Variants in CYP7B1 observed in about 807,000 individuals in gnomAD.
CYP7B1 encodes the protein cytochrome P450 family 7 subfamily B member 1, also known as cytochrome P450 7B1.
CYP7B1 carries 29 observed loss-of-function variants against 42.7 expected under a neutral mutation model. The observed-to-expected ratio is 0.68, with a 90% CI of 0.51 to 0.93. The LOEUF (loss-of-function observed/expected upper bound fraction) is 0.93. Ranked by LOEUF, CYP7B1 falls within the 40% of genes least tolerant of loss-of-function variation. The pLI is 0.00. For missense variants in CYP7B1, 655 were observed against 600.5 expected (o/e 1.09, Z -0.95); for synonymous variants, 235 against 218.2 (o/e 1.08, Z -0.68).
intron 1 of CYP7B1, among the ~76,000 whole-genome samples, chr8:64,656,739 ACAGTT>A (rs1307759669): frequency 6.6e-6 from 1 of 152,212 alleles, no homozygotes; most frequent in Non-Finnish European, 1.5e-5. Context: ...TTCAGTTGGT[ACAGTT>A]TTCATTTCTG....
In CYP7B1 at chr8:64,686,419, C is replaced by T. The variant is rs1481624325; in HGVS notation, c.123-61880G>A. Among the ~76,000 whole-genome samples the T allele has an allele frequency of 3.5e-4, 13 of 37,080 alleles. 1 individual carries two copies. The highest frequency in any genetic ancestry group is 1.4e-3 in the African/African-American group (11 of 7,632). The allele number at this position is 37,080 out of a possible 152,430, so 24.3% of individuals were successfully genotyped here. ...GGGAGGGAGGTGGGGGGGTCAGCCC[C>T]CCGCCTGGCCAGCCGCCCCGTCCGG... On this transcript the variant is annotated intron_variant, in intron 1 of 5. Coordinates refer to ENST00000310193, the MANE Select transcript of CYP7B1 (RefSeq NM_004820.5).
intron 1 of CYP7B1, among the ~76,000 whole-genome samples, chr8:64,715,786 C>G (rs1363623599): frequency 6.6e-6 from 1 of 152,186 alleles, no homozygotes; most frequent in African/African-American, 2.4e-5. Context: ...TAAATTTAAG[C>G]ATCTGAATCT....
chr8:64,649,168 G>C (rs1298568122), intron 1 of CYP7B1, among the ~76,000 whole-genome samples: 3 of 152,104 alleles, frequency 2.0e-5, no homozygotes, highest in South Asian at 2.1e-4. Context: ...CCACCTTCAT[G>C]AATCAATAAA....
intron 1 of CYP7B1, among the ~76,000 whole-genome samples, chr8:64,712,545 G>C (rs970457691): frequency 1.3e-5 from 2 of 151,656 alleles, no homozygotes; most frequent in African/African-American, 2.4e-5. Context: ...TGTAGCTCCA[G>C]TTGTGAAACT....
chr8:64,710,325 G>A (rs1807062429), intron 1 of CYP7B1, among the ~76,000 whole-genome samples: 1 of 152,162 alleles, frequency 6.6e-6, no homozygotes, highest in East Asian at 1.9e-4. Flanking sequence ...AGACTGAGTT[G>A]CTCTCCATTC....
chr8:64,633,545 T>A (rs1192516461), intron 1 of CYP7B1, among the ~76,000 whole-genome samples: 2 of 152,118 alleles, frequency 1.3e-5, no homozygotes, highest in Non-Finnish European at 2.9e-5. Flanking sequence ...AGTGAAAAAA[T>A]TTATTCTTAG....
chr8:64,786,386 T>C (rs989001335), intron 1 of CYP7B1, among the ~76,000 whole-genome samples: 8 of 152,174 alleles, frequency 5.3e-5, no homozygotes, highest in Non-Finnish European at 8.8e-5. Context: ...AATACACCCA[T>C]TCCAAATGGG....
rs1805110404 is a variant in CYP7B1, at chr8:64,595,954, A to T, written c.*688T>A. On this transcript the variant is annotated 3_prime_UTR_variant, in exon 6 of 6. Transcript: ENST00000310193. ...TATATAATAGGTTCTGTGTTTTCTT[A>T]TACATTAAATCTTATCAGTATCTAA... 6.6e-6 allele frequency among the ~76,000 whole-genome samples: 1 copy of T among 152,220 alleles called. No homozygotes were observed. Among genetic ancestry groups the T allele is most frequent in the South Asian group, 2.1e-4 (1 of 4,832 alleles).
chr8:64,664,604 T>G (rs961717257), intron 1 of CYP7B1, among the ~76,000 whole-genome samples: 1 of 152,090 alleles, frequency 6.6e-6, no homozygotes, highest in Non-Finnish European at 1.5e-5. Flanking sequence ...TCTGCAGGCT[T>G]GACGATCTCT....
At chr8:64,778,773 G>A (rs1268433086) in intron 1 of CYP7B1, among the ~76,000 whole-genome samples, 1 of 152,020 alleles carries the variant, frequency 6.6e-6, no homozygotes, top group Non-Finnish European at 1.5e-5. Flanking sequence ...CTACCCTTAT[G>A]TCACAAGGCA....
At chr8:64,770,774 G>A (rs1804209061) in intron 1 of CYP7B1, among the ~76,000 whole-genome samples, 1 of 152,120 alleles carries the variant, frequency 6.6e-6, no homozygotes, top group African/African-American at 2.4e-5. Context: ...TCTCCCCATG[G>A]CTAGTTGCTA....
chr8:64,605,824 T>C (rs568785590), intron 4 of CYP7B1, among the ~76,000 whole-genome samples: 1 of 152,240 alleles, frequency 6.6e-6, no homozygotes, highest in South Asian at 2.1e-4. Context: ...CAAATGGTCG[T>C]GTTTATGACT....
chr8:64,623,644 T>G (rs1805563483), intron 2 of CYP7B1, among the ~76,000 whole-genome samples: 1 of 152,236 alleles, frequency 6.6e-6, no homozygotes, highest in Admixed American at 6.5e-5. Flanking sequence ...GTGTAGCAAT[T>G]CTGCTGTTTT....
chr8:64,663,896 T>G (rs569450230), intron 1 of CYP7B1, among the ~76,000 whole-genome samples: 35 of 152,326 alleles, frequency 2.3e-4, no homozygotes, highest in Non-Finnish European at 4.1e-4. Flanking sequence ...TTCAGCTATG[T>G]GGTTACAAGT....
chr8:64,595,652 T>G lies in CYP7B1; in HGVS notation c.*990A>C, dbSNP rs1805106186. Reference sequence around the variant, plus strand: ...AAAAATCTTTGAATTATTGACACAATGCTGCATGTGTCATATGAAATTACA... The same window carrying G: ...AAAAATCTTTGAATTATTGACACAAGGCTGCATGTGTCATATGAAATTACA... On this transcript the variant is annotated 3_prime_UTR_variant, in exon 6 of 6. Transcript: ENST00000310193. Among the ~76,000 whole-genome samples the G allele has an allele frequency of 6.6e-6, 1 of 152,210 alleles. No individual in the cohort carries two copies. The highest frequency in any genetic ancestry group is 2.4e-5 in the African/African-American group (1 of 41,452).
At chr8:64,661,898 C>T (rs1484897379) in intron 1 of CYP7B1, among the ~76,000 whole-genome samples, 2 of 152,128 alleles carry the variant, frequency 1.3e-5, no homozygotes, top group Non-Finnish European at 2.9e-5. Context: ...GAGGAAAAGG[C>T]AAACTGTGGA....
intron 1 of CYP7B1, among the ~76,000 whole-genome samples, chr8:64,709,523 T>A (rs1355473625): frequency 1.3e-5 from 2 of 152,238 alleles, no homozygotes; most frequent in African/African-American, 4.8e-5. Context: ...TATTAGTCAA[T>A]GGTGAAAATT....
intron 1 of CYP7B1, among the ~76,000 whole-genome samples, chr8:64,679,383 T>C (rs1806501939): frequency 6.6e-6 from 1 of 152,194 alleles, no homozygotes. Flanking sequence ...TTGTGCTGTA[T>C]AGATAGATAG....
chr8:64,663,804 T>C (rs986175447), intron 1 of CYP7B1, among the ~76,000 whole-genome samples: 2 of 152,214 alleles, frequency 1.3e-5, no homozygotes, highest in African/African-American at 4.8e-5. Flanking sequence ...ATTTCATTTC[T>C]GTCCACTCTC....
Sources: allele counts gnomAD v4.1 joint callset (sites outside exome capture counted in the v4.1 genomes callset), GRCh38; gene constraint gnomAD v4.1.1; transcripts MANE v1.5; gene names NCBI Gene and HGNC (gene_info 2026-07-23, HGNC 2026-07-21).